SLC16A7: variants seen among roughly 807,000 people sequenced by gnomAD.
SLC16A7 encodes the protein monocarboxylate transporter 2.
A neutral mutation model predicts 34.9 loss-of-function variants in SLC16A7; 33 were observed. That is an observed-to-expected ratio of 0.94 (90% CI 0.72 to 1.26). SLC16A7 has a LOEUF of 1.26. Among genes scored for constraint, SLC16A7 ranks in the 50% most tolerant of loss-of-function variants. The pLI, the probability that SLC16A7 is intolerant of heterozygous loss-of-function variation, is 0.00. For synonymous variants in SLC16A7, 201 were observed against 206.6 expected, an observed-to-expected ratio of 0.97 and a Z score of 0.23; for missense variants, 573 against 578.1, an observed-to-expected ratio of 0.99 and a Z score of 0.09.
chr12:59,757,083 A>C, intron 3 of SLC16A7, among the ~76,000 whole-genome samples: 1 of 130,042 alleles, frequency 7.7e-6, no homozygotes, highest in African/African-American at 2.9e-5. Context: ...AGGAAGGGGA[A>C]CATCACACTC....
At chr12:59,606,436 T>C (rs1878942729) in intron 1 of SLC16A7, among the ~76,000 whole-genome samples, 1 of 152,220 alleles carries the variant, frequency 6.6e-6, no homozygotes, top group Non-Finnish European at 1.5e-5. Flanking sequence ...CTTAGAGATA[T>C]TTGTTCCAAT....
chr12:59,612,744 CA>C (rs1451712543), intron 1 of SLC16A7, among the ~76,000 whole-genome samples: 1 of 152,190 alleles, frequency 6.6e-6, no homozygotes, highest in African/African-American at 2.4e-5. Flanking sequence ...ATCTTTAGGG[CA>C]GGGGCAAATG....
At chr12:59,722,445 C>G (rs1171702098) in intron 3 of SLC16A7, among the ~76,000 whole-genome samples, 1 of 151,838 alleles carries the variant, frequency 6.6e-6, no homozygotes, top group Non-Finnish European at 1.5e-5. Context: ...AACCTAAGTT[C>G]AATCATGTCC....
chr12:59,717,133 C>T (rs1198269095), intron 3 of SLC16A7, among the ~76,000 whole-genome samples: 3 of 152,142 alleles, frequency 2.0e-5, no homozygotes, highest in Non-Finnish European at 4.4e-5. Flanking sequence ...CTCAATGTTT[C>T]AGATTTCTAT....
intron 3 of SLC16A7, among the ~76,000 whole-genome samples, chr12:59,736,667 C>T (rs1253715704): frequency 1.3e-5 from 2 of 152,166 alleles, no homozygotes; most frequent in Admixed American, 6.5e-5. Context: ...CACAGATGAC[C>T]AGCCTCGTTG....
chr12:59,688,603 T>C (rs1229547873), intron 2 of SLC16A7, among the ~76,000 whole-genome samples: 1 of 152,076 alleles, frequency 6.6e-6, no homozygotes, highest in Non-Finnish European at 1.5e-5. Context: ...ATATATGCAA[T>C]TGGTAATCAG....
At chr12:59,633,091 A>G (rs1347393873) in intron 1 of SLC16A7, among the ~76,000 whole-genome samples, 2 of 152,020 alleles carry the variant, frequency 1.3e-5, no homozygotes, top group Non-Finnish European at 2.9e-5. Flanking sequence ...ATTTTGAGTT[A>G]CATTTTTCTG....
intron 3 of SLC16A7, among the ~76,000 whole-genome samples, chr12:59,708,398 G>A (rs1873830807): frequency 6.6e-6 from 1 of 151,834 alleles, no homozygotes; most frequent in South Asian, 2.1e-4. Context: ...TACAACACAG[G>A]GGTTCACTGT....
At chr12:59,777,474 T>C (rs984925901) in intron 5 of SLC16A7, among the ~76,000 whole-genome samples, 6 of 152,160 alleles carry the variant, frequency 3.9e-5, no homozygotes, top group African/African-American at 1.4e-4. Flanking sequence ...GTGTGGTTTC[T>C]ATTTCATATT....
chr12:59,655,461 CTA>C (rs1240679183), intron 2 of SLC16A7, among the ~76,000 whole-genome samples: 2 of 151,736 alleles, frequency 1.3e-5, no homozygotes, highest in African/African-American at 4.8e-5. Context: ...GGTCAAGAGA[CTA>C]AGTCTCAGTT....
chr12:59,739,199 C>A (rs1387960323), intron 3 of SLC16A7, among the ~76,000 whole-genome samples: 2 of 106,262 alleles, frequency 1.9e-5, no homozygotes, highest in Admixed American at 1.2e-4. Context: ...CCCCCTCCCC[C>A]CACCCCACAA....
At position 59,787,917 on chromosome 12, in the gene SLC16A7, A is replaced by G. The variant is rs1883734504; in HGVS notation, c.*8238A>G. On this transcript the variant is annotated 3_prime_UTR_variant, in exon 6 of 6. Coordinates refer to ENST00000547379, the MANE Select transcript of SLC16A7 (RefSeq NM_001270623.2). ...CAAAAATGAGATTGTAACTTAATCAAATATGAGTCAGATATAGTAATTCCT... is the reference window on the plus strand; with the variant it reads ...CAAAAATGAGATTGTAACTTAATCAGATATGAGTCAGATATAGTAATTCCT... 6.6e-6 allele frequency: 1 copy of G among 152,204 alleles called. No individual in the cohort carries two copies. Among genetic ancestry groups the G allele is most frequent in the East Asian group, 1.9e-4 (1 of 5,188 alleles). 9.4% of individuals were successfully genotyped at this position (152,204 alleles called of 1,614,324 possible).
intron 3 of SLC16A7, among the ~76,000 whole-genome samples, chr12:59,717,346 CAGG>C (rs1875036345): frequency 6.6e-6 from 1 of 152,122 alleles, no homozygotes; most frequent in African/African-American, 2.4e-5. Context: ...TCTTGGGCGC[CAGG>C]AGTATTTCAT....
At chr12:59,644,653 T>C (rs1037309503) in intron 1 of SLC16A7, among the ~76,000 whole-genome samples, 11 of 152,226 alleles carry the variant, frequency 7.2e-5, no homozygotes, top group African/African-American at 2.4e-4. Flanking sequence ...CATAAATAAC[T>C]GGTACTTAAC....
chr12:59,663,053 T>G (rs1868943089), intron 2 of SLC16A7, among the ~76,000 whole-genome samples: 1 of 152,048 alleles, frequency 6.6e-6, no homozygotes, highest in African/African-American at 2.4e-5. Flanking sequence ...TTGAGGATTT[T>G]ATATGGTAAT....
At chr12:59,652,929 T>C (rs1868369218) in intron 1 of SLC16A7, among the ~76,000 whole-genome samples, 1 of 151,834 alleles carries the variant, frequency 6.6e-6, no homozygotes, top group African/African-American at 2.4e-5. Context: ...ACTTGGAAGA[T>C]GAAAAGGCAT....
At chr12:59,643,594 A>G (rs1301280839) in intron 1 of SLC16A7, among the ~76,000 whole-genome samples, 1 of 152,224 alleles carries the variant, frequency 6.6e-6, no homozygotes, top group East Asian at 1.9e-4. Context: ...AGTGCCTTTT[A>G]TTAAGCAGAT....
intron 3 of SLC16A7, among the ~76,000 whole-genome samples, chr12:59,734,830 A>G (rs1295137466): frequency 2.0e-5 from 3 of 152,228 alleles, no homozygotes; most frequent in African/African-American, 7.2e-5. Context: ...AATATAAATA[A>G]CACATTAAAA....
intron 1 of SLC16A7, among the ~76,000 whole-genome samples, chr12:59,607,957 A>C (rs972132): frequency 0.049 from 7,391 of 152,280 alleles, 212 homozygotes; most frequent in Middle Eastern, 0.11. Flanking sequence ...ATAGATAGGA[A>C]TATACTTTCA....
Sources: gnomAD v4.1 joint callset for allele counts (sites outside exome capture counted in the v4.1 genomes callset) on GRCh38, gnomAD v4.1.1 for gene constraint, MANE v1.5 for transcripts, NCBI Gene and HGNC (gene_info 2026-07-23, HGNC 2026-07-21) for gene names.